The following SMARCB1 variants were observed in gnomAD, a reference collection of about 807,000 sequenced individuals.
SMARCB1 encodes the protein SWI/SNF related BAF chromatin remodeling complex subunit B1.
In SMARCB1, 5 loss-of-function variants were observed where a neutral mutation model predicts 49.0. That is an observed-to-expected ratio of 0.10 (90% CI 0.05 to 0.21). The LOEUF (loss-of-function observed/expected upper bound fraction) is 0.21. Ranked by LOEUF, SMARCB1 falls within the 10% of genes least tolerant of loss-of-function variation. The pLI, the probability that SMARCB1 is intolerant of heterozygous loss-of-function variation, is 1.00. For synonymous variants in SMARCB1, 201 were observed against 200.1 expected (o/e 1.00, Z -0.04); for missense variants, 226 against 509.2 (o/e 0.44, Z 5.35).
intron 4 of SMARCB1, chr22:23,801,378 G>C: frequency 3.0e-6 from 2 of 674,922 alleles, no homozygotes; most frequent in Non-Finnish European, 5.4e-6. Flanking sequence ...TTTCACATGA[G>C]TGGGCCACAG....
Position 23,792,083 on chromosome 22 carries a change from C to G in SMARCB1, c.232+189C>G, listed in dbSNP as rs539956326. The G allele has an allele frequency of 6.2e-6, 4 of 641,280 alleles. No individual in the cohort carries two copies. The South Asian group carries it at 6.6e-5, about 11-fold the overall frequency. The allele number at this position is 641,280 out of a possible 1,614,324, so 39.7% of individuals were successfully genotyped here. Reference sequence around the variant, plus strand: ...GCTCCAGGGAGCCATTGGTGGTCCACTGTCAGTTATTTCCAGCAGGGCCAT... The same window carrying G: ...GCTCCAGGGAGCCATTGGTGGTCCAGTGTCAGTTATTTCCAGCAGGGCCAT... On this transcript the variant is annotated intron_variant, in intron 2 of 8. Coordinates refer to ENST00000644036, the MANE Select transcript of SMARCB1 (RefSeq NM_003073.5).
chr22:23,787,456 T>C (rs1928083739), intron 1 of SMARCB1, among the ~76,000 whole-genome samples, 194 bp downstream of exon 1: 1 of 152,000 alleles, frequency 6.6e-6, no homozygotes, highest in Non-Finnish European at 1.5e-5. Flanking sequence ...GGGATTTCCT[T>C]ACTTATTTCG....
intron 7 of SMARCB1, among the ~76,000 whole-genome samples, chr22:23,827,395 C>T (rs1173485664): frequency 1.3e-5 from 2 of 152,194 alleles, no homozygotes; most frequent in Non-Finnish European, 2.9e-5. Context: ...AATTCCTTTC[C>T]AAGTTCCGGG....
chr22:23,835,508 G>T lies in SMARCB1; in HGVS notation c.*1328G>T. Reference sequence around the variant, plus strand: ...GGTTCTTGGTCGCTGAGATGTGAGAGGAGGGCTCCTTTGAGCACATGTTAG... The same window carrying T: ...GGTTCTTGGTCGCTGAGATGTGAGATGAGGGCTCCTTTGAGCACATGTTAG... On this transcript the variant is annotated 3_prime_UTR_variant, in exon 9 of 9. Coordinates refer to ENST00000644036, the MANE Select transcript of SMARCB1 (RefSeq NM_003073.5). 4.1e-6 allele frequency: 4 copies of T among 985,588 alleles called. No homozygotes were observed. The highest frequency in any genetic ancestry group is 1.7e-5 in the African/African-American group (1 of 57,384). 61.1% of individuals were successfully genotyped at this position (985,588 alleles called of 1,614,324 possible).
At chr22:23,802,018 C>T (rs570388011) in intron 4 of SMARCB1, 1 of 157,362 alleles carries the variant, frequency 6.4e-6, no homozygotes, top group Admixed American at 6.1e-5. Flanking sequence ...TCCAGTCTCT[C>T]CAGGTTCTCC....
chr22:23,809,465 G>A (rs1438345444), intron 5 of SMARCB1, among the ~76,000 whole-genome samples: 2 of 151,544 alleles, frequency 1.3e-5, no homozygotes, highest in East Asian at 3.9e-4. Flanking sequence ...TTAGTAGAGA[G>A]GGGTTTCTCC....
chr22:23,806,939 A>AT (rs1299963108), intron 5 of SMARCB1, among the ~76,000 whole-genome samples: 1 of 147,962 alleles, frequency 6.8e-6, no homozygotes, highest in East Asian at 2.0e-4. Flanking sequence ...AAAAAAAAAA[A>AT]AGGAATCAGG....
chr22:23,811,109 T>C (rs1342877284), intron 5 of SMARCB1, among the ~76,000 whole-genome samples: 2 of 150,138 alleles, frequency 1.3e-5, no homozygotes, highest in Non-Finnish European at 3.0e-5. Flanking sequence ...AATGTTAGTA[T>C]CAGTAAGGCA....
chr22:23,837,068 A>G lies in SMARCB1; in HGVS notation c.*2888A>G. 6.2e-7 allele frequency: 1 copy of G among 1,613,840 alleles called. No homozygotes were observed. Among genetic ancestry groups the G allele is most frequent in the Non-Finnish European group, 8.5e-7 (1 of 1,179,878 alleles). On this transcript the variant is annotated 3_prime_UTR_variant, in exon 9 of 9. Coordinates refer to ENST00000644036, the MANE Select transcript of SMARCB1 (RefSeq NM_003073.5). ...GGGAGGGCTCTCAACACTCACAGGAAGCCAGGGGTCTGCAGGAGCCTCTTG... is the reference window on the plus strand; with the variant it reads ...GGGAGGGCTCTCAACACTCACAGGAGGCCAGGGGTCTGCAGGAGCCTCTTG...
At chr22:23,794,329 T>A (rs1387873565) in intron 3 of SMARCB1, among the ~76,000 whole-genome samples, 1 of 152,222 alleles carries the variant, frequency 6.6e-6, no homozygotes, top group Admixed American at 6.5e-5. Context: ...TCTATATCAT[T>A]GGAATTTCTA....
rs1453424655 is a variant in SMARCB1, at chr22:23,834,415, A to C, written c.*235A>C. On this transcript the variant is annotated 3_prime_UTR_variant, in exon 9 of 9. Transcript: ENST00000644036. ...CTCCCCAGTCTCTGGGGTCAGGAAG[A>C]AACCTTATTTTAGGTTGTGTTTTGT... The C allele has an allele frequency of 1.4e-6, 1 of 698,184 alleles. No homozygotes were observed. Among genetic ancestry groups the C allele is most frequent in the Admixed American group, 2.0e-5 (1 of 49,680 alleles). 43.2% of individuals were successfully genotyped at this position (698,184 alleles called of 1,614,324 possible).
At chr22:23,831,680 G>A (rs769342152) in intron 7 of SMARCB1, among the ~76,000 whole-genome samples, 2 of 152,188 alleles carry the variant, frequency 1.3e-5, no homozygotes, top group Non-Finnish European at 2.9e-5. Flanking sequence ...GGACCCTCTG[G>A]GACCCACTCG....
At chr22:23,816,320 T>A (rs1414204582) in intron 5 of SMARCB1, 1 of 244,380 alleles carries the variant, frequency 4.1e-6, no homozygotes, top group East Asian at 9.9e-5. Context: ...TGGAAATCGC[T>A]GTGGCTTGGC....
At chr22:23,818,561 T>C (rs2029911709) in intron 6 of SMARCB1, 1 of 152,214 alleles carries the variant, frequency 6.6e-6, no homozygotes, top group South Asian at 2.1e-4. Flanking sequence ...TATATTCACA[T>C]CCATGGCTGT....
At chr22:23,796,902 T>TA (rs1424417707) in intron 3 of SMARCB1, among the ~76,000 whole-genome samples, 1 of 152,152 alleles carries the variant, frequency 6.6e-6, no homozygotes, top group Non-Finnish European at 1.5e-5. Flanking sequence ...TAAGGGGACT[T>TA]ATGGCACCCT....
rs377205513 is a variant in SMARCB1 at position 23,837,010 on chromosome 22, C to T, written c.*2830C>T. The T allele has an allele frequency of 1.5e-4, 196 of 1,285,338 alleles. No individual in the cohort carries two copies. Among genetic ancestry groups the T allele is most frequent in the Non-Finnish European group, 1.9e-4 (180 of 945,390 alleles). 79.6% of individuals were successfully genotyped at this position (1,285,338 alleles called of 1,614,324 possible). A position where few individuals can be genotyped will look rare whatever the true frequency, so the allele number is the denominator to read the frequency against. On this transcript the variant is annotated 3_prime_UTR_variant, in exon 9 of 9. Transcript: ENST00000644036. ...AGCACAGGCCAGCACAGGTCCCCAT[C>T]GGTGGGGATCCTTCTGAGGGTGGGG...
intron 3 of SMARCB1, among the ~76,000 whole-genome samples, chr22:23,799,967 AGCCAC>A (rs2145976516): frequency 6.6e-6 from 1 of 150,380 alleles, no homozygotes; most frequent in African/African-American, 2.5e-5. Flanking sequence ...TACAGGCGTG[AGCCAC>A]CGCGCCCGGC....
intron 5 of SMARCB1, among the ~76,000 whole-genome samples, chr22:23,811,956 ATT>A (rs1929891563): frequency 6.6e-6 from 1 of 152,228 alleles, no homozygotes; most frequent in Non-Finnish European, 1.5e-5. Context: ...AAGAATGTAA[ATT>A]ATCAATATCA....
Position 23,837,343 on chromosome 22 carries a change from A to AG in SMARCB1, c.*3165dup, listed in dbSNP as rs1201040261. The AG allele has an allele frequency of 2.6e-6, 2 of 765,008 alleles. No homozygotes were observed. The highest frequency in any genetic ancestry group is 4.2e-6 in the Non-Finnish European group (2 of 474,194). 47.4% of individuals were successfully genotyped at this position (765,008 alleles called of 1,614,324 possible). A position where few individuals can be genotyped will look rare whatever the true frequency, so the allele number is the denominator to read the frequency against. On this transcript the variant is annotated 3_prime_UTR_variant, in exon 9 of 9. Transcript: ENST00000644036. ...GGACAAGCTTAAAAGGCCCAGAAGC[A>AG]GGCAGGACCCAGGGAGGGGAGGGCC... is the stretch of plus-strand genomic sequence containing the variant.
Sources: gnomAD v4.1 joint callset for allele counts (sites outside exome capture counted in the v4.1 genomes callset) on GRCh38, gnomAD v4.1.1 for gene constraint, MANE v1.5 for transcripts, NCBI Gene and HGNC (gene_info 2026-07-23, HGNC 2026-07-21) for gene names.